The following KCNIP4 variants were observed in gnomAD, a reference collection of about 807,000 sequenced individuals.
KCNIP4 encodes the protein potassium voltage-gated channel interacting protein 4.
KCNIP4 carries 12 observed loss-of-function variants against 34.0 expected under a neutral mutation model. The observed-to-expected ratio is 0.35, with a 90% CI of 0.23 to 0.57. The LOEUF (loss-of-function observed/expected upper bound fraction) is 0.57, where lower values mean the gene tolerates loss of function less well. Ranked by LOEUF, KCNIP4 falls within the 20% of genes least tolerant of loss-of-function variation. The pLI, the probability that KCNIP4 is intolerant of heterozygous loss-of-function variation, is 0.83. For synonymous variants in KCNIP4, 124 were observed against 102.2 expected, an observed-to-expected ratio of 1.21 and a Z score of -1.29; for missense variants, 238 against 311.7, an observed-to-expected ratio of 0.76 and a Z score of 1.78.
At chr4:21,897,816 C>T (rs773453338) in intron 1 of KCNIP4, among the ~76,000 whole-genome samples, 18 of 152,122 alleles carry the variant, frequency 1.2e-4, no homozygotes, top group South Asian at 2.1e-4. Flanking sequence ...GGTAGGCATT[C>T]GCAGCACCTG....
chr4:20,990,245 C>A (rs188887216), intron 1 of KCNIP4, among the ~76,000 whole-genome samples: 17 of 152,280 alleles, frequency 1.1e-4, no homozygotes, highest in Non-Finnish European at 1.6e-4. Context: ...GCCTTTCTAT[C>A]TTGGGGTTTC....
intron 1 of KCNIP4, among the ~76,000 whole-genome samples, chr4:21,391,924 G>A (rs1056396505): frequency 6.6e-6 from 1 of 152,202 alleles, no homozygotes; most frequent in African/African-American, 2.4e-5. Context: ...ACACTAGGAA[G>A]CTGAAAGTCT....
At chr4:21,852,037 C>A (rs1226630892) in intron 1 of KCNIP4, 1 of 145,144 alleles carries the variant, frequency 6.9e-6, no homozygotes, top group Non-Finnish European at 1.5e-5. Context: ...TGTGTGTGTT[C>A]ACAGATTATA....
chr4:21,904,541 T>C (rs1181361145), intron 1 of KCNIP4, among the ~76,000 whole-genome samples: 2 of 152,190 alleles, frequency 1.3e-5, no homozygotes, highest in Non-Finnish European at 2.9e-5. Flanking sequence ...CAAACATCTT[T>C]TCAAATTCTA....
At chr4:21,377,130 A>G (rs550008239) in intron 1 of KCNIP4, among the ~76,000 whole-genome samples, 31 of 152,238 alleles carry the variant, frequency 2.0e-4, no homozygotes, top group African/African-American at 7.0e-4. Flanking sequence ...CCTTCACAGA[A>G]CTCGCTTAAG....
chr4:21,725,391 T>C (rs996202446), intron 1 of KCNIP4, among the ~76,000 whole-genome samples: 2 of 152,002 alleles, frequency 1.3e-5, no homozygotes, highest in African/African-American at 4.8e-5. Context: ...AAATACTCAA[T>C]GGAGAAGAGG....
chr4:21,891,193 G>C (rs546153446), intron 1 of KCNIP4, among the ~76,000 whole-genome samples: 1 of 151,956 alleles, frequency 6.6e-6, no homozygotes, highest in African/African-American at 2.4e-5. Context: ...ACCACTCTTG[G>C]ATTTCTTAGA....
chr4:21,208,317 A>T (rs1323706736), intron 1 of KCNIP4, among the ~76,000 whole-genome samples: 2 of 152,178 alleles, frequency 1.3e-5, no homozygotes, highest in Admixed American at 6.5e-5. Context: ...ATGATTCACC[A>T]GCCATAGGCA....
At chr4:21,077,290 A>G (rs1745574472) in intron 1 of KCNIP4, among the ~76,000 whole-genome samples, 1 of 152,158 alleles carries the variant, frequency 6.6e-6, no homozygotes, top group South Asian at 2.1e-4. Flanking sequence ...GGAAAATTCT[A>G]TAATGTTCGC....
intron 1 of KCNIP4, among the ~76,000 whole-genome samples, chr4:21,688,642 A>G (rs577200527): frequency 6.6e-6 from 1 of 152,300 alleles, no homozygotes; most frequent in South Asian, 2.1e-4. Context: ...TTTAATTGAT[A>G]AAATGCAATA....
chr4:21,856,584 G>C (rs1724771406), intron 1 of KCNIP4, among the ~76,000 whole-genome samples: 1 of 152,164 alleles, frequency 6.6e-6, no homozygotes, highest in South Asian at 2.1e-4. Flanking sequence ...AGCTGTGGCT[G>C]CAGACCTGGG....
chr4:20,966,838 T>C (rs1329531348), intron 1 of KCNIP4, among the ~76,000 whole-genome samples: 1 of 152,174 alleles, frequency 6.6e-6, no homozygotes. Context: ...AATGAGTGCT[T>C]ACCATTTAAT....
intron 1 of KCNIP4, among the ~76,000 whole-genome samples, chr4:21,165,815 C>T (rs936312095): frequency 1.3e-5 from 2 of 152,166 alleles, no homozygotes; most frequent in East Asian, 1.9e-4. Flanking sequence ...CATGTTAAAA[C>T]TAAATTTCCA....
At chr4:20,793,135 T>A (rs1265100722) in intron 3 of KCNIP4, among the ~76,000 whole-genome samples, 10 of 152,158 alleles carry the variant, frequency 6.6e-5, no homozygotes, top group African/African-American at 2.2e-4. Flanking sequence ...AACAGCAGCA[T>A]TATTTGTAAC....
chr4:21,113,647 C>G (rs1292801016), intron 1 of KCNIP4, among the ~76,000 whole-genome samples: 1 of 152,050 alleles, frequency 6.6e-6, no homozygotes, highest in Non-Finnish European at 1.5e-5. Flanking sequence ...AGCTCCAGCC[C>G]ATGTGCAAGC....
intron 1 of KCNIP4, among the ~76,000 whole-genome samples, chr4:21,186,739 C>T (rs77366960): frequency 7.9e-5 from 12 of 152,244 alleles, no homozygotes; most frequent in African/African-American, 2.2e-4. Context: ...TCACCTGCCA[C>T]GCTCAAGCAA....
chr4:21,431,824 T>C (rs1726477847), intron 1 of KCNIP4, among the ~76,000 whole-genome samples: 1 of 151,056 alleles, frequency 6.6e-6, no homozygotes, highest in Non-Finnish European at 1.5e-5. Context: ...CCATTTCTAA[T>C]GAGAAACACA....
chr4:21,640,888 T>C (rs1188422490), intron 1 of KCNIP4, among the ~76,000 whole-genome samples: 1 of 152,152 alleles, frequency 6.6e-6, no homozygotes, highest in Non-Finnish European at 1.5e-5. Flanking sequence ...ACTTAAAATC[T>C]TTGACAGGAC....
At chr4:20,901,293 C>A (rs903400802) in intron 1 of KCNIP4, among the ~76,000 whole-genome samples, 2 of 152,188 alleles carry the variant, frequency 1.3e-5, no homozygotes, top group Admixed American at 6.5e-5. Flanking sequence ...TACTGGGTTT[C>A]TCTTTTTCTT....
Sources: allele counts gnomAD v4.1 joint callset (sites outside exome capture counted in the v4.1 genomes callset), GRCh38; gene constraint gnomAD v4.1.1; transcripts MANE v1.5; gene names NCBI Gene and HGNC (gene_info 2026-07-23, HGNC 2026-07-21).